Variants in TMTC2 observed in about 807,000 individuals in gnomAD.
TMTC2 encodes protein O-mannosyl-transferase TMTC2.
Under a neutral mutation model 82.4 loss-of-function variants are expected in TMTC2, and 43 were observed. The ratio of observed to expected loss-of-function variants is 0.52; its 90% CI spans 0.41 to 0.67. The LOEUF (loss-of-function observed/expected upper bound fraction) is 0.67. Among genes scored for constraint, TMTC2 ranks in the 30% least tolerant of loss-of-function variants. The probability of loss-of-function intolerance (pLI) is 0.00; values close to 1 mark genes in which losing one functional copy is unlikely to be tolerated. For synonymous variants in TMTC2, 408 were observed against 381.9 expected (o/e 1.07, Z -0.80); for missense variants, 919 against 1,012.4 (o/e 0.91, Z 1.25).
chr12:82,789,684 A>G (rs1878361625), intron 1 of TMTC2, among the ~76,000 whole-genome samples: 1 of 152,180 alleles, frequency 6.6e-6, no homozygotes, highest in African/African-American at 2.4e-5. Flanking sequence ...TGTTATTAAT[A>G]CTATAGGAAG....
At chr12:83,059,688 A>G (rs11829960) in intron 10 of TMTC2, among the ~76,000 whole-genome samples, 10,941 of 151,786 alleles carry the variant, frequency 0.072, 459 homozygotes, top group Middle Eastern at 0.099. Flanking sequence ...TTTAAAAACT[A>G]ATAACCATTT....
intron 3 of TMTC2, among the ~76,000 whole-genome samples, chr12:82,900,935 A>G (rs1441543531): frequency 2.0e-5 from 2 of 97,768 alleles, no homozygotes; most frequent in Non-Finnish European, 3.7e-5. Context: ...ATATATATAT[A>G]GGAATATATA....
chr12:83,095,458 T>C (rs1170155025), intron 11 of TMTC2, among the ~76,000 whole-genome samples: 3 of 152,068 alleles, frequency 2.0e-5, no homozygotes, highest in African/African-American at 7.2e-5. Flanking sequence ...GCCAGGATGG[T>C]CTTGGTCTCC....
intron 1 of TMTC2, among the ~76,000 whole-genome samples, chr12:82,783,736 A>G (rs972522120): frequency 2.0e-5 from 3 of 152,016 alleles, no homozygotes; most frequent in African/African-American, 7.2e-5. Context: ...AGGATCCTCA[A>G]GGGGGTGATT....
chr12:82,760,068 G>A (rs960604503), intron 1 of TMTC2: 1 of 152,026 alleles, frequency 6.6e-6, no homozygotes, highest in African/African-American at 2.4e-5. Context: ...TAATTTCTTT[G>A]TTATTCAAGT....
chr12:83,022,138 C>T (rs541268004), intron 8 of TMTC2: 1 of 152,128 alleles, frequency 6.6e-6, no homozygotes, highest in African/African-American at 2.4e-5. Context: ...AGACTAATTT[C>T]ATGCTCCTTA....
chr12:82,731,092 G>C (rs982715184), intron 1 of TMTC2, among the ~76,000 whole-genome samples: 1 of 152,176 alleles, frequency 6.6e-6, no homozygotes, highest in Non-Finnish European at 1.5e-5. Flanking sequence ...TCAAGTGCTA[G>C]ACTTATCGGT....
chr12:83,026,150 T>A (rs1250324838), intron 8 of TMTC2, among the ~76,000 whole-genome samples: 1 of 152,078 alleles, frequency 6.6e-6, no homozygotes, highest in Non-Finnish European at 1.5e-5. Flanking sequence ...CCAGCCCCCA[T>A]CCAGGAGCCT....
chr12:82,844,670 C>A (rs1047024523), intron 1 of TMTC2, among the ~76,000 whole-genome samples: 1 of 151,876 alleles, frequency 6.6e-6, no homozygotes, highest in East Asian at 1.9e-4. Flanking sequence ...CGCTTGGTGG[C>A]GGGCGCCTGT....
chr12:82,779,940 A>T (rs1220177886), intron 1 of TMTC2, among the ~76,000 whole-genome samples: 3 of 150,874 alleles, frequency 2.0e-5, no homozygotes, highest in African/African-American at 7.4e-5. Flanking sequence ...TACATGCCAG[A>T]GTTACGGCAT....
chr12:83,072,692 T>G (rs1165717538), intron 11 of TMTC2, among the ~76,000 whole-genome samples: 1 of 152,144 alleles, frequency 6.6e-6, no homozygotes, highest in African/African-American at 2.4e-5. Context: ...GTGTTAGGTG[T>G]GTATATGTTT....
intron 1 of TMTC2, among the ~76,000 whole-genome samples, chr12:82,703,498 CTTTT>C (rs539968079): frequency 4.1e-5 from 5 of 121,654 alleles, no homozygotes; most frequent in Non-Finnish European, 1.7e-5. Context: ...TAGTTTCTTT[CTTTT>C]TTTTTTTTTT....
rs138500608 is a variant in TMTC2 at position 82,718,456 on chromosome 12, C to T, written c.83+30787C>T. Among the ~76,000 whole-genome samples, 44 of 152,294 alleles carry T rather than the reference C, an allele frequency of 2.9e-4. No homozygotes were observed. The East Asian group carries it at 8.1e-3, about 28-fold the overall frequency. On this transcript the variant is annotated intron_variant, in intron 1 of 11. Transcript: ENST00000321196. ...AATTCCCAGGTTTCAGAAAGGGAAGCTGCAGAAGCCCAGAACATAAAGTAT... is the reference window on the plus strand; with the variant it reads ...AATTCCCAGGTTTCAGAAAGGGAAGTTGCAGAAGCCCAGAACATAAAGTAT...
At chr12:82,940,948 G>T (rs1194816548) in intron 4 of TMTC2, among the ~76,000 whole-genome samples, 1 of 151,810 alleles carries the variant, frequency 6.6e-6, no homozygotes, top group Admixed American at 6.6e-5. Flanking sequence ...ATGTTAACAT[G>T]ACCCAGATTA....
intron 1 of TMTC2, among the ~76,000 whole-genome samples, chr12:82,836,452 C>T (rs1388473735): frequency 6.6e-6 from 1 of 152,012 alleles, no homozygotes; most frequent in Non-Finnish European, 1.5e-5. Flanking sequence ...CAAGGGAAGT[C>T]GTGGTTGGAA....
chr12:83,103,939 G>T (rs1304442803), intron 11 of TMTC2, among the ~76,000 whole-genome samples: 1 of 152,218 alleles, frequency 6.6e-6, no homozygotes, highest in African/African-American at 2.4e-5. Flanking sequence ...GGAGGTATAG[G>T]CATTGCGTAA....
chr12:82,993,222 A>G (rs1879473723), intron 8 of TMTC2, among the ~76,000 whole-genome samples: 1 of 152,102 alleles, frequency 6.6e-6, no homozygotes, highest in Admixed American at 6.5e-5. Flanking sequence ...TGACCTCATG[A>G]TCTGCCCACT....
chr12:82,899,569 T>TAAGAATATATATAC (rs2137186729), intron 3 of TMTC2, among the ~76,000 whole-genome samples: 1 of 130,860 alleles, frequency 7.6e-6, no homozygotes, highest in African/African-American at 3.4e-5. Context: ...TATATATATA[T>TAAGAATATATATAC]GTGGAATATA....
intron 9 of TMTC2, 39 bp downstream of exon 9, chr12:83,030,918 T>G: frequency 7.0e-7 from 1 of 1,433,974 alleles, no homozygotes; most frequent in East Asian, 2.3e-5. Context: ...TCCCCCACAT[T>G]TACTATTAAT....
Sources: allele counts gnomAD v4.1 joint callset (sites outside exome capture counted in the v4.1 genomes callset), GRCh38; gene constraint gnomAD v4.1.1; transcripts MANE v1.5; gene names NCBI Gene and HGNC (gene_info 2026-07-23, HGNC 2026-07-21).